Variants in PDE4D observed in about 807,000 individuals in gnomAD.
The protein encoded by PDE4D is phosphodiesterase 4D.
PDE4D carries 24 observed loss-of-function variants against 87.4 expected under a neutral mutation model. The observed-to-expected ratio is 0.27, with a 90% CI of 0.20 to 0.39. The LOEUF (loss-of-function observed/expected upper bound fraction) is 0.39, where lower values mean the gene tolerates loss of function less well. PDE4D is among the 10% of genes least tolerant of loss of function. The probability of loss-of-function intolerance (pLI) is 1.00; values close to 1 mark genes in which losing one functional copy is unlikely to be tolerated. For missense variants in PDE4D, 714 were observed against 1,041.0 expected, an observed-to-expected ratio of 0.69 and a Z score of 4.32; for synonymous variants, 384 against 383.2, an observed-to-expected ratio of 1.00 and a Z score of -0.02.
intron 2 of PDE4D, among the ~76,000 whole-genome samples, chr5:60,035,054 G>A (rs548383599): frequency 1.6e-4 from 25 of 152,216 alleles, no homozygotes; most frequent in Non-Finnish European, 2.5e-4. Flanking sequence ...TCAGGAGTTC[G>A]AGACCAGCCT....
At chr5:59,512,973 T>C (rs1261098028) in intron 1 of PDE4D, among the ~76,000 whole-genome samples, 1 of 152,140 alleles carries the variant, frequency 6.6e-6, no homozygotes, top group Admixed American at 6.5e-5. Context: ...AGGTTGTTTT[T>C]CCCATTAATG....
At chr5:60,414,678 CCTAG>C (rs537266494) in intron 1 of PDE4D, among the ~76,000 whole-genome samples, 195 of 152,254 alleles carry the variant, frequency 1.3e-3, no homozygotes, top group African/African-American at 4.5e-3. Flanking sequence ...GTAAACCAAT[CCTAG>C]CTATTTTCTG....
In PDE4D at chr5:59,006,240, A is replaced by C. The variant is rs148418059; in HGVS notation, c.922-12775T>G. ...CAAATGCCCAAATGATTTTATATAC[A>C]TATATGCAAGTGTGTTTGTTGAAAT... On this transcript the variant is annotated intron_variant, in intron 6 of 14. Transcript: ENST00000340635. Among the ~76,000 whole-genome samples the C allele has an allele frequency of 3.2e-4, 48 of 152,298 alleles. No homozygotes were observed. In the East Asian group the frequency reaches 7.3e-3, roughly 23 times the overall value.
chr5:59,306,133 T>C (rs1203342271), intron 1 of PDE4D, among the ~76,000 whole-genome samples: 1 of 152,208 alleles, frequency 6.6e-6, no homozygotes, highest in South Asian at 2.1e-4. Context: ...CCTTTTACCA[T>C]TATATAATAT....
Position 58,974,869 on chromosome 5 carries a change from TC to T in PDE4D, c.2224del (p.Glu742LysfsTer48). The T allele has an allele frequency of 6.2e-7, 1 of 1,612,384 alleles. No individual in the cohort carries two copies. The highest frequency in any genetic ancestry group is 8.5e-7 in the Non-Finnish European group (1 of 1,178,764). ...EKFQFELTLE[E>X]DGESDTEKDS... ...CTTTTCCGTGTCTGACTCACCATCT[TC>T]CTCTAAAGTTAGTTCAAACTGGAAT... On this transcript the variant is annotated frameshift_variant, in exon 15 of 15. Coordinates refer to ENST00000340635, the MANE Select transcript of PDE4D (RefSeq NM_001104631.2). LOFTEE classifies it high-confidence loss of function.
At chr5:59,335,312 A>G (rs1777471522) in intron 1 of PDE4D, among the ~76,000 whole-genome samples, 1 of 152,184 alleles carries the variant, frequency 6.6e-6, no homozygotes, top group South Asian at 2.1e-4. Context: ...AGCAATAGCA[A>G]TAGGAGACTT....
intron 1 of PDE4D, among the ~76,000 whole-genome samples, chr5:59,412,902 G>A (rs1345432208): frequency 2.6e-5 from 4 of 152,118 alleles, no homozygotes; most frequent in Admixed American, 6.5e-5. Context: ...TCTGAACTCT[G>A]TTTTTCTTAG....
intron 1 of PDE4D, among the ~76,000 whole-genome samples, chr5:59,292,449 A>T (rs1768225901): frequency 6.6e-6 from 1 of 152,118 alleles, no homozygotes; most frequent in Non-Finnish European, 1.5e-5. Flanking sequence ...AACGTAGATT[A>T]TTTTTGCTAT....
intron 1 of PDE4D, among the ~76,000 whole-genome samples, chr5:60,407,732 C>T (rs1741677989): frequency 6.6e-6 from 1 of 151,980 alleles, no homozygotes; most frequent in Non-Finnish European, 1.5e-5. Flanking sequence ...AGATTACAGG[C>T]GTGAGCCACC....
chr5:59,765,226 T>C (rs1388386589), intron 1 of PDE4D, among the ~76,000 whole-genome samples: 5 of 152,218 alleles, frequency 3.3e-5, no homozygotes, highest in Non-Finnish European at 5.9e-5. Context: ...AGGAGACTTC[T>C]ACTGTTTAGA....
At chr5:59,741,799 T>G (rs1410038941) in intron 1 of PDE4D, among the ~76,000 whole-genome samples, 1 of 152,192 alleles carries the variant, frequency 6.6e-6, no homozygotes, top group East Asian at 1.9e-4. Context: ...AAGAAAAAGC[T>G]GACTATGGAA....
chr5:60,318,410 C>T (rs1359166758), intron 1 of PDE4D, among the ~76,000 whole-genome samples: 1 of 152,142 alleles, frequency 6.6e-6, no homozygotes, highest in African/African-American at 2.4e-5. Context: ...CTGAATATAG[C>T]ACACTGATGG....
chr5:60,108,789 G>A (rs1777340147), intron 2 of PDE4D, among the ~76,000 whole-genome samples: 1 of 152,108 alleles, frequency 6.6e-6, no homozygotes, highest in African/African-American at 2.4e-5. Flanking sequence ...AATGGTGCTG[G>A]GAAAACTGGC....
At position 59,175,480 on chromosome 5, in the gene PDE4D, T is replaced by C. The variant is rs1021626794; in HGVS notation, c.808+5115A>G. ...CTATCCATTTTTCTTTCTTTTTTTT[T>C]TTTTTTTTTTTTTTTTTTTGAGACG... On this transcript the variant is annotated intron_variant, in intron 5 of 14. Coordinates refer to ENST00000340635, the MANE Select transcript of PDE4D (RefSeq NM_001104631.2). Among the ~76,000 whole-genome samples, 197 of 130,036 alleles carry C rather than the reference T, an allele frequency of 1.5e-3. 3 individuals carry two copies. The highest frequency in any genetic ancestry group is 4.7e-3 in the African/African-American group (161 of 34,434). 85.3% of individuals were successfully genotyped at this position (130,036 alleles called of 152,430 possible).
chr5:59,350,372 C>G (rs778328472), intron 1 of PDE4D, among the ~76,000 whole-genome samples: 3 of 152,156 alleles, frequency 2.0e-5, no homozygotes, highest in Non-Finnish European at 4.4e-5. Flanking sequence ...AGGGTTCTAG[C>G]TCTGACCAGG....
intron 1 of PDE4D, among the ~76,000 whole-genome samples, chr5:60,379,813 C>A (rs965102297): frequency 6.6e-6 from 1 of 152,164 alleles, no homozygotes; most frequent in Non-Finnish European, 1.5e-5. Context: ...GGGTTTCAGC[C>A]TCCCTTCACC....
chr5:60,227,291 T>C (rs986603475), intron 1 of PDE4D, among the ~76,000 whole-genome samples: 3 of 152,072 alleles, frequency 2.0e-5, no homozygotes, highest in Non-Finnish European at 2.9e-5. Context: ...ATTAGTACCC[T>C]TTCCCTTTCA....
chr5:59,828,713 G>A (rs114998146), intron 1 of PDE4D, among the ~76,000 whole-genome samples: 20 of 152,184 alleles, frequency 1.3e-4, no homozygotes, highest in Non-Finnish European at 2.2e-4. Flanking sequence ...CCCATTGTGC[G>A]TCCTGTTATA....
intron 5 of PDE4D, among the ~76,000 whole-genome samples, chr5:59,041,522 A>G (rs1203855351): frequency 6.6e-6 from 1 of 152,204 alleles, no homozygotes; most frequent in African/African-American, 2.4e-5. Flanking sequence ...TTGTTTTATG[A>G]TCATTTGAGC....
Sources: allele counts gnomAD v4.1 joint callset (sites outside exome capture counted in the v4.1 genomes callset), GRCh38; gene constraint gnomAD v4.1.1; transcripts MANE v1.5; gene names NCBI Gene and HGNC (gene_info 2026-07-23, HGNC 2026-07-21).